The following SLC24A2 variants were observed in gnomAD, a reference collection of about 807,000 sequenced individuals.
SLC24A2 encodes sodium/potassium/calcium exchanger 2.
SLC24A2 carries 36 observed loss-of-function variants against 62.0 expected under a neutral mutation model. The ratio of observed to expected loss-of-function variants is 0.58; its 90% CI spans 0.44 to 0.77. The LOEUF (loss-of-function observed/expected upper bound fraction) is 0.77. SLC24A2 is among the 30% of genes least tolerant of loss of function. The pLI, the probability that SLC24A2 is intolerant of heterozygous loss-of-function variation, is 0.00. For synonymous variants in SLC24A2, 358 were observed against 294.0 expected, an observed-to-expected ratio of 1.22 and a Z score of -2.23; for missense variants, 846 against 817.9, an observed-to-expected ratio of 1.03 and a Z score of -0.42.
chr9:19,644,185 G>A (rs1587086282), intron 2 of SLC24A2, among the ~76,000 whole-genome samples: 2 of 152,156 alleles, frequency 1.3e-5, no homozygotes, highest in South Asian at 4.1e-4. Flanking sequence ...AAAAGTAATG[G>A]CATGTGTGGT....
the SLC24A2 span, among the ~76,000 whole-genome samples, chr9:19,846,599 T>A: frequency 1.3e-5 from 2 of 152,212 alleles, no homozygotes; most frequent in African/African-American, 4.8e-5. Flanking sequence ...TCAAAGTTAA[T>A]ATCGATATGT....
the SLC24A2 span, among the ~76,000 whole-genome samples, chr9:19,812,112 T>C: frequency 0.022 from 3,299 of 152,246 alleles, 35 homozygotes; most frequent in Middle Eastern, 0.041. Flanking sequence ...CTTTCAGAAG[T>C]TCTGGTGAGA....
chr9:20,288,187 G>C, the SLC24A2 span, among the ~76,000 whole-genome samples: 1 of 152,142 alleles, frequency 6.6e-6, no homozygotes, highest in South Asian at 2.1e-4. Context: ...ACCTGGGCAG[G>C]GGCAGGGGAG....
intron 2 of SLC24A2, among the ~76,000 whole-genome samples, chr9:19,638,210 T>C (rs1564010999): frequency 6.6e-6 from 1 of 152,058 alleles, no homozygotes. Context: ...TCAGGTGAGA[T>C]TGGAGAATTG....
At chr9:20,009,366 C>G in the SLC24A2 span, among the ~76,000 whole-genome samples, 7 of 137,108 alleles carry the variant, frequency 5.1e-5, 1 homozygote, top group African/African-American at 2.0e-4. Context: ...GCCTGGGTGA[C>G]AGACTGAACT....
chr9:19,566,497 C>G (rs1340568903), intron 7 of SLC24A2, among the ~76,000 whole-genome samples: 3 of 151,212 alleles, frequency 2.0e-5, no homozygotes, highest in Non-Finnish European at 3.0e-5. Context: ...AATAGGAACA[C>G]TTTTACACTG....
intron 2 of SLC24A2, among the ~76,000 whole-genome samples, chr9:19,623,574 T>A (rs1323887006): frequency 6.6e-6 from 1 of 152,222 alleles, no homozygotes; most frequent in African/African-American, 2.4e-5. Context: ...TATGTGCCAA[T>A]CATTTAAGTT....
the SLC24A2 span, among the ~76,000 whole-genome samples, chr9:20,192,423 G>A: frequency 1.3e-5 from 2 of 152,104 alleles, no homozygotes; most frequent in East Asian, 1.9e-4. Flanking sequence ...TGAGTTAAAG[G>A]TGGATGGGGA....
chr9:19,675,197 G>A (rs549874643), intron 2 of SLC24A2, among the ~76,000 whole-genome samples: 38 of 152,188 alleles, frequency 2.5e-4, no homozygotes, highest in Non-Finnish European at 4.7e-4. Context: ...AAAGAGTCCT[G>A]TGATGTGAAC....
intron 2 of SLC24A2, among the ~76,000 whole-genome samples, chr9:19,734,475 G>A (rs1421731716): frequency 2.0e-5 from 3 of 152,112 alleles, no homozygotes; most frequent in Admixed American, 6.5e-5. Flanking sequence ...ATTACCTTGG[G>A]CAGTATGGCC....
the SLC24A2 span, among the ~76,000 whole-genome samples, chr9:19,963,027 C>T: frequency 3.4e-4 from 51 of 152,022 alleles, no homozygotes; most frequent in Non-Finnish European, 5.4e-4. Flanking sequence ...TTTTGAGATA[C>T]GTCCCATCAA....
chr9:20,224,293 TTTC>T, the SLC24A2 span, among the ~76,000 whole-genome samples: 1 of 151,970 alleles, frequency 6.6e-6, no homozygotes, highest in Non-Finnish European at 1.5e-5. Flanking sequence ...TAGATAAGGA[TTTC>T]TTATCTAGTT....
chr9:19,665,900 T>G (rs368650623), intron 2 of SLC24A2, among the ~76,000 whole-genome samples: 3 of 152,090 alleles, frequency 2.0e-5, no homozygotes, highest in East Asian at 1.9e-4. Flanking sequence ...CTGAAGCACC[T>G]CACCCACCTC....
chr9:19,685,223 A>C (rs1819845557), intron 2 of SLC24A2, among the ~76,000 whole-genome samples: 1 of 152,150 alleles, frequency 6.6e-6, no homozygotes, highest in Admixed American at 6.6e-5. Flanking sequence ...AGATCTCTAC[A>C]ATGAGAATTA....
chr9:19,835,228 C>T, the SLC24A2 span, among the ~76,000 whole-genome samples: 2 of 152,094 alleles, frequency 1.3e-5, no homozygotes, highest in Non-Finnish European at 2.9e-5. Flanking sequence ...CATAACAATA[C>T]TAACCTTAAA....
chr9:20,136,240 T>A, the SLC24A2 span, among the ~76,000 whole-genome samples: 1 of 152,130 alleles, frequency 6.6e-6, no homozygotes, highest in Non-Finnish European at 1.5e-5. Context: ...AAAACATATC[T>A]CATTCAGTAT....
At chr9:20,229,957 C>T in the SLC24A2 span, among the ~76,000 whole-genome samples, 1 of 143,232 alleles carries the variant, frequency 7.0e-6, no homozygotes, top group Non-Finnish European at 1.5e-5. Context: ...TTGTTCAATT[C>T]GCACCTATGA....
chr9:19,542,364 A>G (rs1346205016), intron 8 of SLC24A2, among the ~76,000 whole-genome samples: 3 of 152,218 alleles, frequency 2.0e-5, no homozygotes, highest in Admixed American at 2.0e-4. Flanking sequence ...TTTTCTAAAT[A>G]TACAATCATG....
chr9:19,914,748 G>T, the SLC24A2 span, among the ~76,000 whole-genome samples: 1 of 152,066 alleles, frequency 6.6e-6, no homozygotes, highest in East Asian at 1.9e-4. Context: ...CTCAGATGAG[G>T]CAAGAAGGCA....
Sources: allele counts gnomAD v4.1 joint callset (sites outside exome capture counted in the v4.1 genomes callset), GRCh38; gene constraint gnomAD v4.1.1; transcripts MANE v1.5; gene names NCBI Gene and HGNC (gene_info 2026-07-23, HGNC 2026-07-21).